SCAI: variants seen among roughly 807,000 people sequenced by gnomAD.
SCAI encodes protein SCAI.
Under a neutral mutation model 92.2 loss-of-function variants are expected in SCAI, and 24 were observed. The observed-to-expected ratio is 0.26, with a 90% confidence interval of 0.19 to 0.37. The LOEUF (loss-of-function observed/expected upper bound fraction) is 0.37. Among genes scored for constraint, SCAI ranks in the 10% least tolerant of loss-of-function variants. The pLI, the probability that SCAI is intolerant of heterozygous loss-of-function variation, is 1.00. For missense variants in SCAI, 450 were observed against 736.2 expected (o/e 0.61, Z 4.50); for synonymous variants, 261 against 258.6 (o/e 1.01, Z -0.09).
At chr9:125,142,010 A>C (rs1835677972) in intron 2 of SCAI, among the ~76,000 whole-genome samples, 1 of 152,184 alleles carries the variant, frequency 6.6e-6, no homozygotes, top group Non-Finnish European at 1.5e-5. Flanking sequence ...GCATCACTGC[A>C]GCCTTGACTT....
At chr9:125,020,173 T>C (rs1444892515) in intron 7 of SCAI, among the ~76,000 whole-genome samples, 2 of 151,844 alleles carry the variant, frequency 1.3e-5, no homozygotes, top group Non-Finnish European at 2.9e-5. Flanking sequence ...AACTATTGAA[T>C]ACAGAATGCA....
chr9:125,140,088 G>A (rs1316706908), intron 2 of SCAI, among the ~76,000 whole-genome samples: 1 of 151,968 alleles, frequency 6.6e-6, no homozygotes, highest in Non-Finnish European at 1.5e-5. Context: ...TGGCATGGTG[G>A]TGCACATCTG....
intron 2 of SCAI, among the ~76,000 whole-genome samples, chr9:125,082,181 C>A (rs1052551744): frequency 2.0e-5 from 3 of 152,204 alleles, no homozygotes; most frequent in African/African-American, 7.2e-5. Context: ...ATCCCAGACA[C>A]CCCAGCCATG....
chr9:125,072,910 C>T (rs1421668470), intron 2 of SCAI, among the ~76,000 whole-genome samples: 2 of 152,008 alleles, frequency 1.3e-5, no homozygotes, highest in East Asian at 3.9e-4. Context: ...TTTTTATATA[C>T]CATATTTTGC....
At chr9:125,048,816 G>C (rs1833499071) in intron 3 of SCAI, among the ~76,000 whole-genome samples, 1 of 152,032 alleles carries the variant, frequency 6.6e-6, no homozygotes, top group East Asian at 1.9e-4. Flanking sequence ...CGTGATCTCG[G>C]CTCACCACAA....
At chr9:125,013,508 T>C (rs1211282118) in intron 9 of SCAI, among the ~76,000 whole-genome samples, 1 of 152,186 alleles carries the variant, frequency 6.6e-6, no homozygotes, top group East Asian at 1.9e-4. Context: ...AATAGACCAG[T>C]AACAGGCTCT....
chr9:125,020,742 T>A lies in SCAI; in HGVS notation c.540A>T (p.Arg180=). ...AAACTACTATAAATCTTGCATAATA[T>A]CGTAACTTCTTAACTACCAATTCAG... ...DRPELVVKKL[R]YYARFIVVCL... The change falls in exon 7 of 18, where the codon CGA becomes CGT. Residue 180 remains arginine (R), a synonymous_variant. Transcript: ENST00000336505. 1 of 1,512,466 alleles carries A rather than the reference T, an allele frequency of 6.6e-7. No individual in the cohort carries two copies. Among genetic ancestry groups the A allele is most frequent in the Non-Finnish European group, 9.0e-7 (1 of 1,105,870 alleles). The allele number at this position is 1,512,466 out of a possible 1,614,324, so 93.7% of individuals were successfully genotyped here.
rs969904307 is a variant in SCAI, at chr9:125,091,032, A to G, written c.99-35025T>C. On this transcript the variant is annotated intron_variant, in intron 2 of 17. Transcript: ENST00000336505. The surrounding 1 kb of genome is among the most constrained non-coding windows in gnomAD (Gnocchi z 4.3). The stretch of plus-strand genomic sequence containing the variant: ...ACTCCGGAGGCTGAGGCAGGAGAAT[A>G]GGTGAACCCGGGAGGCGGAGCTTGC... Among the ~76,000 whole-genome samples, 3 of 152,138 alleles carry G rather than the reference A, an allele frequency of 2.0e-5. No homozygotes were observed. The highest frequency in any genetic ancestry group is 7.2e-5 in the African/African-American group (3 of 41,430).
intron 9 of SCAI, among the ~76,000 whole-genome samples, chr9:125,006,554 C>T (rs924391192): frequency 9.2e-5 from 14 of 152,130 alleles, no homozygotes; most frequent in Admixed American, 5.2e-4. Flanking sequence ...TGCAGTGGCG[C>T]GATCTCGGCT....
intron 2 of SCAI, among the ~76,000 whole-genome samples, chr9:125,097,062 A>G (rs1444813829): frequency 2.6e-5 from 4 of 152,226 alleles, no homozygotes; most frequent in African/African-American, 7.2e-5. Flanking sequence ...CTACTCATCA[A>G]TGAGAAAAGA....
intron 2 of SCAI, among the ~76,000 whole-genome samples, chr9:125,092,298 A>AAAAT (rs1031503341): frequency 9.9e-5 from 15 of 151,914 alleles, no homozygotes; most frequent in African/African-American, 3.4e-4. Flanking sequence ...TCTCTACTAA[A>AAAAT]AAATAAATAA....
chr9:125,010,544 C>T (rs1359443712), intron 9 of SCAI, among the ~76,000 whole-genome samples: 2 of 152,220 alleles, frequency 1.3e-5, no homozygotes, highest in South Asian at 2.1e-4. Flanking sequence ...CGAACTGGGT[C>T]GAGCCTACCA....
In SCAI at chr9:125,014,024, G is replaced by A. The variant is rs1357736624; in HGVS notation, c.861+4775C>T. 1.8e-4 allele frequency among the ~76,000 whole-genome samples: 27 copies of A among 151,540 alleles called. 1 individual carries two copies. The highest frequency in any genetic ancestry group is 5.8e-4 in the African/African-American group (24 of 41,278). On this transcript the variant is annotated intron_variant, in intron 9 of 17. Coordinates refer to ENST00000336505, the MANE Select transcript of SCAI (RefSeq NM_001144877.3). The stretch of plus-strand genomic sequence containing the variant: ...TCAATAAATTAGGTATTGATGGGAC[G>A]TATCTCAAAATAATAAGAGCTATCT...
rs908163675 is a variant in SCAI at position 125,129,648 on chromosome 9, G to A, written c.98+12985C>T. ...CTGGCTGATTTTTGTATTTTCAATA[G>A]AGATGGGGTTTCACCATGTTGGCCA... On this transcript the variant is annotated intron_variant, in intron 2 of 17. Transcript: ENST00000336505. Among the ~76,000 whole-genome samples, 9 of 151,342 alleles carry A rather than the reference G, an allele frequency of 5.9e-5. No individual in the cohort carries two copies. The South Asian group carries it at 1.5e-3, about 25-fold the overall frequency.
intron 2 of SCAI, among the ~76,000 whole-genome samples, chr9:125,131,070 T>G (rs984119118): frequency 2.0e-5 from 3 of 149,574 alleles, no homozygotes; most frequent in Non-Finnish European, 4.4e-5. Flanking sequence ...GGACTACAGG[T>G]GCAAGAACAC....
chr9:125,062,519 G>T (rs980762057), intron 2 of SCAI, among the ~76,000 whole-genome samples: 1 of 151,346 alleles, frequency 6.6e-6, no homozygotes, highest in Non-Finnish European at 1.5e-5. Context: ...GGGAGGCCAA[G>T]GTGGGTGGAT....
intron 3 of SCAI, among the ~76,000 whole-genome samples, chr9:125,041,459 T>G (rs1483849737): frequency 6.6e-6 from 1 of 152,232 alleles, no homozygotes; most frequent in Non-Finnish European, 1.5e-5. Flanking sequence ...AAGGATACTA[T>G]CTAAAGTCTT....
Position 125,117,037 on chromosome 9 carries a change from C to A in SCAI, c.98+25596G>T, listed in dbSNP as rs1252422409. 1.3e-5 allele frequency among the ~76,000 whole-genome samples: 2 copies of A among 152,104 alleles called. 1 individual carries two copies. The highest frequency in any genetic ancestry group is 4.1e-4 in the South Asian group (2 of 4,822). On this transcript the variant is annotated intron_variant, in intron 2 of 17. Coordinates refer to ENST00000336505, the MANE Select transcript of SCAI (RefSeq NM_001144877.3). Reference sequence around the variant, plus strand: ...GAAAAATCTGAGGCCTGCAGGAATTCTATGCTGACTGAATTAAATAATACA... The same window carrying A: ...GAAAAATCTGAGGCCTGCAGGAATTATATGCTGACTGAATTAAATAATACA...
At chr9:125,029,581 G>T in intron 4 of SCAI, 63 bp downstream of exon 4, 1 of 929,210 alleles carries the variant, frequency 1.1e-6, no homozygotes, top group Non-Finnish European at 1.7e-6. Flanking sequence ...AAGTAGTGAA[G>T]ATAAAAACTG....
Sources: allele counts gnomAD v4.1 joint callset (sites outside exome capture counted in the v4.1 genomes callset), GRCh38; gene constraint gnomAD v4.1.1; non-coding constraint Gnocchi (gnomAD v3.1); transcripts MANE v1.5; gene names NCBI Gene and HGNC (gene_info 2026-07-23, HGNC 2026-07-21).